The following CCDC33 variants were observed in gnomAD, a reference collection of about 807,000 sequenced individuals.
The protein encoded by CCDC33 is coiled-coil domain containing 33.
Under a neutral mutation model 91.9 loss-of-function variants are expected in CCDC33, and 94 were observed. The observed-to-expected ratio is 1.02, with a 90% CI of 0.87 to 1.21. CCDC33 has a LOEUF of 1.21. Ranked by LOEUF, CCDC33 falls within the 50% of genes most tolerant of loss-of-function variation. The probability of loss-of-function intolerance (pLI) is 0.00; values close to 1 mark genes in which losing one functional copy is unlikely to be tolerated. For synonymous variants in CCDC33, 396 were observed against 374.5 expected (o/e 1.06, Z -0.66); for missense variants, 940 against 935.5 (o/e 1.00, Z -0.06).
intron 2 of CCDC33, among the ~76,000 whole-genome samples, chr15:74,222,672 C>T (rs977649332): frequency 1.3e-5 from 2 of 151,916 alleles, no homozygotes; most frequent in Admixed American, 1.3e-4. Context: ...GTGAATTTGG[C>T]ACCCACTGGC....
chr15:74,283,255 A>AC (rs1355551678), intron 10 of CCDC33, among the ~76,000 whole-genome samples: 2 of 152,190 alleles, frequency 1.3e-5, no homozygotes, highest in Non-Finnish European at 2.9e-5. Context: ...TTGGAGCCCA[A>AC]CCCTCCGGGG....
chr15:74,256,294 G>A (rs960690646), intron 2 of CCDC33, among the ~76,000 whole-genome samples: 10 of 152,308 alleles, frequency 6.6e-5, no homozygotes, highest in African/African-American at 2.4e-4. Flanking sequence ...AACACCACAC[G>A]AGTTAAGCAG....
At chr15:74,274,713 T>C (rs994626993) in intron 7 of CCDC33, among the ~76,000 whole-genome samples, 1 of 152,234 alleles carries the variant, frequency 6.6e-6, no homozygotes, top group African/African-American at 2.4e-5. Flanking sequence ...CACTGCCTGC[T>C]TTAATGAGTG....
At chr15:74,288,373 G>T (rs565317423) in intron 10 of CCDC33, among the ~76,000 whole-genome samples, 3 of 152,130 alleles carry the variant, frequency 2.0e-5, no homozygotes, top group Non-Finnish European at 2.9e-5. Context: ...CCTGCTGATT[G>T]TCTCCTCTTG....
At chr15:74,312,478 T>C (rs2060010263) in intron 11 of CCDC33, among the ~76,000 whole-genome samples, 1 of 152,192 alleles carries the variant, frequency 6.6e-6, no homozygotes, top group African/African-American at 2.4e-5. Flanking sequence ...CGGCTGCAGA[T>C]CCAGCGAGAC....
intron 2 of CCDC33, among the ~76,000 whole-genome samples, chr15:74,224,420 G>A (rs2074719835): frequency 6.6e-6 from 1 of 152,212 alleles, no homozygotes; most frequent in Non-Finnish European, 1.5e-5. Context: ...CCATATTTGT[G>A]TCCTTGCCCA....
intron 1 of CCDC33, among the ~76,000 whole-genome samples, chr15:74,217,860 G>A (rs1324611896): frequency 6.6e-6 from 1 of 152,056 alleles, no homozygotes; most frequent in Non-Finnish European, 1.5e-5. Context: ...ATGTAAAAGT[G>A]CTGAGCACAC....
intron 2 of CCDC33, among the ~76,000 whole-genome samples, chr15:74,254,583 T>C (rs755379108): frequency 6.6e-6 from 1 of 152,132 alleles, no homozygotes; most frequent in Non-Finnish European, 1.5e-5. Flanking sequence ...TTCTCCTTTC[T>C]TGAAGCCCCT....
chr15:74,272,404 T>G (rs529177778), intron 6 of CCDC33, among the ~76,000 whole-genome samples: 1 of 152,296 alleles, frequency 6.6e-6, no homozygotes, highest in South Asian at 2.1e-4. Flanking sequence ...AGATTCATAC[T>G]TTGCCACACA....
At chr15:74,298,709 C>CTTTTTTTTTTTTTTT (rs35450110) in intron 11 of CCDC33, among the ~76,000 whole-genome samples, 1 of 75,620 alleles carries the variant, frequency 1.3e-5, no homozygotes, top group Non-Finnish European at 2.3e-5. Flanking sequence ...CTAATTCTGC[C>CTTTTTTTTTTTTTTT]TTTTTTTTTT....
At chr15:74,278,525 T>C (rs1211817497) in intron 7 of CCDC33, among the ~76,000 whole-genome samples, 8 of 152,214 alleles carry the variant, frequency 5.3e-5, no homozygotes. Context: ...CTGGGAGTTA[T>C]GGGCCGATGG....
intron 5 of CCDC33, among the ~76,000 whole-genome samples, chr15:74,268,817 G>A (rs137914660): frequency 3.3e-5 from 5 of 152,292 alleles, no homozygotes; most frequent in African/African-American, 1.2e-4. Flanking sequence ...GAGAAGCCCC[G>A]TGCTCCCCCT....
At chr15:74,290,683 C>G (rs974704516) in intron 10 of CCDC33, among the ~76,000 whole-genome samples, 1 of 152,178 alleles carries the variant, frequency 6.6e-6, no homozygotes, top group African/African-American at 2.4e-5. Flanking sequence ...GTGTCTGGAG[C>G]ACATGACATA....
intron 1 of CCDC33, among the ~76,000 whole-genome samples, chr15:74,237,703 C>A (rs1232125376): frequency 2.0e-5 from 3 of 152,170 alleles, no homozygotes; most frequent in Admixed American, 2.0e-4. Flanking sequence ...TGACCTGGCA[C>A]CCTAAGCTGC....
chr15:74,236,583 T>C lies in CCDC33; in HGVS notation c.-137T>C. ...ACCCCTGAGACCACATTGACCTCCA[T>C]ACTGTCTACTACCCATAAGGACTCC... is the stretch of plus-strand genomic sequence containing the variant. On this transcript the variant is annotated 5_prime_UTR_variant, in exon 1 of 19. Transcript: ENST00000398814. 1 of 443,050 alleles carries C rather than the reference T, an allele frequency of 2.3e-6. No homozygotes were observed. The highest frequency in any genetic ancestry group is 4.0e-6 in the Non-Finnish European group (1 of 247,686). The allele number at this position is 443,050 out of a possible 1,614,324, so 27.4% of individuals were successfully genotyped here.
intron 5 of CCDC33, among the ~76,000 whole-genome samples, 176 bp from the exon 6 acceptor site, chr15:74,271,527 G>T (rs1406712235): frequency 6.6e-6 from 1 of 152,190 alleles, no homozygotes; most frequent in Non-Finnish European, 1.5e-5. Context: ...AGGGAGGGCA[G>T]CCTGGTGCAA....
chr15:74,262,686 T>C (rs1595973281), intron 3 of CCDC33, 113 bp downstream of exon 3: 1 of 1,155,148 alleles, frequency 8.7e-7, no homozygotes, highest in East Asian at 2.6e-5. Context: ...CCTGAACACC[T>C]CCTTGGGCTC....
intron 10 of CCDC33, among the ~76,000 whole-genome samples, chr15:74,287,016 G>C (rs72728817): frequency 2.0e-5 from 3 of 152,372 alleles, no homozygotes; most frequent in Non-Finnish European, 4.4e-5. Flanking sequence ...GTGAGGACAA[G>C]TGGCCACTTA....
At chr15:74,333,050 C>T (rs759930337) in intron 16 of CCDC33, 6 of 749,508 alleles carry the variant, frequency 8.0e-6, no homozygotes, top group East Asian at 2.7e-5. Context: ...CCTTTAACCT[C>T]ATCTAGCATC....
Sources: gnomAD v4.1 joint callset for allele counts (sites outside exome capture counted in the v4.1 genomes callset) on GRCh38, gnomAD v4.1.1 for gene constraint, MANE v1.5 for transcripts, NCBI Gene and HGNC (gene_info 2026-07-23, HGNC 2026-07-21) for gene names.